SALL1: variants seen among roughly 807,000 people sequenced by gnomAD.
The protein encoded by SALL1 is spalt like transcription factor 1.
Under a neutral mutation model 73.1 loss-of-function variants are expected in SALL1, and 10 were observed. The ratio of observed to expected loss-of-function variants is 0.14; its 90% confidence interval spans 0.08 to 0.23. The LOEUF (loss-of-function observed/expected upper bound fraction) is 0.23. Among genes scored for constraint, SALL1 ranks in the 10% least tolerant of loss-of-function variants. The pLI is 1.00. For synonymous variants in SALL1, 688 were observed against 689.8 expected (o/e 1.00, Z 0.04); for missense variants, 1,520 against 1,697.3 (o/e 0.90, Z 1.84).
At chr16:51,151,854 C>G (rs1311123894), upstream of SALL1, among the ~76,000 whole-genome samples, 2 of 151,540 alleles carry the variant, frequency 1.3e-5, no homozygotes, top group Admixed American at 1.3e-4. Flanking sequence ...GGGACCCGGG[C>G]TGCCGGCGCG....
At position 51,141,741 on chromosome 16, in the gene SALL1, C is replaced by G. The variant is rs758651425; in HGVS notation, c.481G>C (p.Gly161Arg). ...GTACCTGTGGAGGAGCTGCCGCCGC[C>G]GCCGCTGCTGCTGCTGCTGCTGCTG... ...SSSSSSSSSGGGGSSSTGTSA... is the reference protein window; with the variant it reads ...SSSSSSSSSGRGGSSSTGTSA... The change falls in exon 2 of 3, where the codon GGC becomes CGC. Residue 161 changes from glycine (G) to arginine (R), a missense_variant. Coordinates refer to ENST00000251020, the MANE Select transcript of SALL1 (RefSeq NM_002968.3). This position sits in a 1 kb window ranked among gnomAD's most constrained non-coding sequence, Gnocchi z 5.4. The G allele has an allele frequency of 2.5e-6, 4 of 1,609,600 alleles. No homozygotes were observed. The highest frequency in any genetic ancestry group is 3.4e-6 in the Non-Finnish European group (4 of 1,179,304).
rs758651425 is a variant in SALL1 at position 51,141,741 on chromosome 16, C to T, written c.481G>A (p.Gly161Ser). The change falls in exon 2 of 3, where the codon GGC (glycine) becomes AGC (serine). Residue 161 changes from glycine (G) to serine (S), a missense_variant. By Grantham distance (56) the Gly-to-Ser change is moderately conservative (BLOSUM62 0). Transcript: ENST00000251020. The surrounding 1 kb of genome is among the most constrained non-coding windows in gnomAD (Gnocchi z 5.4). ...SSSSSSSSSG[G>S]GGSSSTGTSA... is the part of the protein sequence containing the mutation. ...GTACCTGTGGAGGAGCTGCCGCCGC[C>T]GCCGCTGCTGCTGCTGCTGCTGCTG... 2.2e-5 allele frequency: 35 copies of T among 1,609,494 alleles called. No homozygotes were observed. The highest frequency in any genetic ancestry group is 2.7e-5 in the African/African-American group (2 of 72,762).
rs765434763 is a variant in SALL1 at position 51,141,223 on chromosome 16, G to A, written c.999C>T (p.Ser333=). ...TCATATTGGGAGAAGAGCCGCTGTTGGATGGAATGATGGTGTTGCCAGAAC... is the reference window on the plus strand; with the variant it reads ...TCATATTGGGAGAAGAGCCGCTGTTAGATGGAATGATGGTGTTGCCAGAAC... ...QSSSGNTIIP[S]NSGSSPNMNI... The change falls in exon 2 of 3, where the codon TCC becomes TCT. Residue 333 remains serine, a synonymous_variant. Coordinates refer to ENST00000251020, the MANE Select transcript of SALL1 (RefSeq NM_002968.3). The surrounding 1 kb of genome is among the most constrained non-coding windows in gnomAD (Gnocchi z 5.4). 2 of 1,614,160 alleles carry A rather than the reference G, an allele frequency of 1.2e-6. No homozygotes were observed. Among genetic ancestry groups the A allele is most frequent in the Non-Finnish European group, 8.5e-7 (1 of 1,180,024 alleles).
intron 1 of SALL1, chr16:51,150,668 C>G (rs1962584691): frequency 4.1e-6 from 3 of 739,770 alleles, no homozygotes; most frequent in African/African-American, 3.8e-5. Flanking sequence ...AACTCCCCCA[C>G]GCTCGGAGTT....
rs1962368299 is a variant in SALL1, at chr16:51,139,338, G to A, written c.2884C>T (p.Pro962Ser). The change falls in exon 2 of 3, where the codon CCC becomes TCC. Residue 962 changes from proline (P) to serine (S), a missense_variant. Pro to Ser is a moderately conservative substitution (Grantham distance 74). Transcript: ENST00000251020. ...AAAGCCCCACCATTCACTGGGGTGGGAGACAAACCATTGGCAAACTCGCTT... is the reference window on the plus strand; with the variant it reads ...AAAGCCCCACCATTCACTGGGGTGGAAGACAAACCATTGGCAAACTCGCTT... ...VPSEFANGLSPTPVNGGALDL... is the reference protein window; with the variant it reads ...VPSEFANGLSSTPVNGGALDL... 2 of 1,614,030 alleles carry A rather than the reference G, an allele frequency of 1.2e-6. No individual in the cohort carries two copies. Among genetic ancestry groups the A allele is most frequent in the Non-Finnish European group, 1.7e-6 (2 of 1,180,042 alleles).
Position 51,138,802 on chromosome 16 carries a change from G to C in SALL1, c.3420C>G (p.Gly1140=). The part of the protein sequence containing the change: ...TPKQHYCNTC[G]KTFSSSSALQ... ...GGGCACTCGATGAGGAGAAGGTTTT[G>C]CCACATGTGTTGCAGTAGTGCTGCT... Residue 1140 remains glycine (G), a synonymous_variant, in exon 2 of 3, where the codon GGC becomes GGG. Coordinates refer to ENST00000251020, the MANE Select transcript of SALL1 (RefSeq NM_002968.3). 6.2e-7 allele frequency: 1 copy of C among 1,614,202 alleles called. No homozygotes were observed. Among genetic ancestry groups the C allele is most frequent in the Non-Finnish European group, 8.5e-7 (1 of 1,180,034 alleles).
chr16:51,144,627 ATC>A, intron 1 of SALL1, among the ~76,000 whole-genome samples: 2 of 152,306 alleles, frequency 1.3e-5, no homozygotes, highest in South Asian at 4.1e-4. Context: ...ACTTGCAAAC[ATC>A]TGATATTCTC....
chr16:51,152,327 A>T (rs1490247435), upstream of SALL1, among the ~76,000 whole-genome samples: 2 of 152,088 alleles, frequency 1.3e-5, no homozygotes, highest in African/African-American at 4.8e-5. Context: ...ATTAGGGCTG[A>T]AGTTTTCGGG....
In SALL1 at chr16:51,137,511, T is replaced by G; in HGVS notation, c.3576A>C (p.Arg1192=). The change falls in exon 3 of 3, where the codon CGA becomes CGC. Residue 1192 remains arginine, a synonymous_variant. Transcript: ENST00000251020. ...CATCCACAGAGAGCCGCCGACCCCG[T>G]CGTGCAGGGGTGCTATTCCACATGT... ...GTHMWNSTPA[R]RGRRLSVDGP... 6.2e-7 allele frequency: 1 copy of G among 1,613,666 alleles called. No individual in the cohort carries two copies. Among genetic ancestry groups the G allele is most frequent in the South Asian group, 1.1e-5 (1 of 91,034 alleles).
upstream of SALL1, chr16:51,152,028 G>A (rs1243855361): frequency 2.3e-4 from 27 of 118,684 alleles, no homozygotes; most frequent in East Asian, 5.3e-4. Flanking sequence ...AAAAAAATAA[G>A]CGAGTGGGGA....
chr16:51,148,091 A>G (rs1397183961), intron 1 of SALL1, among the ~76,000 whole-genome samples: 1 of 152,236 alleles, frequency 6.6e-6, no homozygotes, highest in South Asian at 2.1e-4. Context: ...ACTAAAGTAA[A>G]ATAAAATACC....
At chr16:51,146,595 A>C (rs1962521609) in intron 1 of SALL1, among the ~76,000 whole-genome samples, 1 of 152,156 alleles carries the variant, frequency 6.6e-6, no homozygotes, top group Non-Finnish European at 1.5e-5. Flanking sequence ...ACAGGGGAAT[A>C]AGGTTAGGAA....
In SALL1 at chr16:51,137,046, A is replaced by T; in HGVS notation, c.*66T>A. The T allele has an allele frequency of 1.4e-6, 2 of 1,479,576 alleles. No homozygotes were observed. Among genetic ancestry groups the T allele is most frequent in the Middle Eastern group, 1.7e-4 (1 of 5,822 alleles). 91.7% of individuals were successfully genotyped at this position (1,479,576 alleles called of 1,614,324 possible). A position where few individuals can be genotyped will look rare whatever the true frequency, so the allele number is the denominator to read the frequency against. On this transcript the variant is annotated 3_prime_UTR_variant, in exon 3 of 3. Transcript: ENST00000251020. The stretch of plus-strand genomic sequence containing the variant: ...GGGCGGGGCGGGGTGGGGGGCAAGG[A>T]GTAGGAGGCCACCATAGGTCGCATT...
At position 51,139,311 on chromosome 16, in the gene SALL1, C is replaced by G; in HGVS notation, c.2911G>C (p.Asp971His). Residue 971 changes from aspartate (D) to histidine (H), a missense_variant, in exon 2 of 3, where the codon GAT (aspartate) becomes CAT (histidine). Physicochemically the swap from Asp to His is moderately conservative, Grantham distance 81. Transcript: ENST00000251020. ...SPTPVNGGAL[D>H]LTSSHAEKII... ...TTCTCTGCGTGACTAGATGTCAAAT[C>G]CAAAGCCCCACCATTCACTGGGGTG... is the stretch of plus-strand genomic sequence containing the variant. The G allele has an allele frequency of 6.2e-7, 1 of 1,614,128 alleles. No individual in the cohort carries two copies. Among genetic ancestry groups the G allele is most frequent in the Non-Finnish European group, 8.5e-7 (1 of 1,180,032 alleles).
In SALL1 at chr16:51,140,231, G is replaced by C; in HGVS notation, c.1991C>G (p.Pro664Arg). Residue 664 changes from proline to arginine, a missense_variant, in exon 2 of 3, where the codon CCG becomes CGG. Coordinates refer to ENST00000251020, the MANE Select transcript of SALL1 (RefSeq NM_002968.3). This position sits in a 1 kb window ranked among gnomAD's most constrained non-coding sequence, Gnocchi z 5.7. ...SATTFTNPLL[P>R]LMSEQFKAKF... ...GGCCTTGAACTGCTCGGACATGAGC[G>C]GCAACAAAGGGTTGGTGAAGGTGGT... 1.2e-5 allele frequency: 20 copies of C among 1,614,148 alleles called. No homozygotes were observed. Among genetic ancestry groups the C allele is most frequent in the Non-Finnish European group, 1.6e-5 (19 of 1,180,042 alleles).
intron 1 of SALL1, chr16:51,149,262 T>A (rs1321202180): frequency 1.3e-5 from 2 of 152,364 alleles, no homozygotes; most frequent in African/African-American, 4.8e-5. Flanking sequence ...GCCGAGACTT[T>A]TTTTTTTTAA....
Position 51,139,340 on chromosome 16 carries a change from G to A in SALL1, c.2882C>T (p.Ser961Phe), listed in dbSNP as rs148016347. ...AGCCCCACCATTCACTGGGGTGGGA[G>A]ACAAACCATTGGCAAACTCGCTTGG... ...AVPSEFANGL[S>F]PTPVNGGALD... The change falls in exon 2 of 3, where the codon TCT becomes TTT. Residue 961 changes from serine to phenylalanine, a missense_variant. Ser to Phe is a radical substitution (Grantham distance 155, BLOSUM62 -2). Coordinates refer to ENST00000251020, the MANE Select transcript of SALL1 (RefSeq NM_002968.3). 1.4e-5 allele frequency: 22 copies of A among 1,614,148 alleles called. No individual in the cohort carries two copies. The Admixed American group carries it at 2.8e-4, about 21-fold the overall frequency.
chr16:51,146,365 AGATGG>A (rs1345604387), intron 1 of SALL1, among the ~76,000 whole-genome samples: 1 of 152,238 alleles, frequency 6.6e-6, no homozygotes. Context: ...ACTGAACACT[AGATGG>A]GGTTCCAGTT....
intron 1 of SALL1, among the ~76,000 whole-genome samples, chr16:51,148,822 T>C (rs1275358073): frequency 1.3e-5 from 2 of 150,994 alleles, no homozygotes; most frequent in Non-Finnish European, 2.9e-5. Context: ...CTAGGCAACT[T>C]CTCCCAAACT....
Sources: gnomAD v4.1 joint callset for allele counts (sites outside exome capture counted in the v4.1 genomes callset) on GRCh38, gnomAD v4.1.1 for gene constraint, Gnocchi (gnomAD v3.1) non-coding constraint, MANE v1.5 for transcripts, NCBI Gene and HGNC (gene_info 2026-07-23, HGNC 2026-07-21) for gene names.